The following PLCH1 variants were observed in gnomAD, a reference collection of about 807,000 sequenced individuals.
PLCH1 encodes 1-phosphatidylinositol 4,5-bisphosphate phosphodiesterase eta-1.
Under a neutral mutation model 126.7 loss-of-function variants are expected in PLCH1, and 60 were observed. That is an observed-to-expected ratio of 0.47 (90% confidence interval 0.38 to 0.59). PLCH1 has a LOEUF of 0.59. Ranked by LOEUF, PLCH1 falls within the 20% of genes least tolerant of loss-of-function variation. The pLI is 0.00. For synonymous variants in PLCH1, 719 were observed against 734.9 expected, an observed-to-expected ratio of 0.98 and a Z score of 0.35; for missense variants, 1,723 against 2,040.0, an observed-to-expected ratio of 0.84 and a Z score of 2.99.
intron 10 of PLCH1, among the ~76,000 whole-genome samples, chr3:155,544,502 T>C (rs1313587074): frequency 2.6e-5 from 4 of 152,052 alleles, no homozygotes; most frequent in Admixed American, 2.0e-4. Flanking sequence ...AACAAGGATA[T>C]CCAGGAATTG....
chr3:155,736,773 A>C (rs746480104), intron 1 of PLCH1, among the ~76,000 whole-genome samples: 2 of 152,196 alleles, frequency 1.3e-5, no homozygotes, highest in Non-Finnish European at 2.9e-5. Flanking sequence ...TTTTCTTTAA[A>C]ATTGCTTCCC....
chr3:155,502,940 C>T (rs1718120564), intron 13 of PLCH1, among the ~76,000 whole-genome samples: 1 of 152,214 alleles, frequency 6.6e-6, no homozygotes, highest in Non-Finnish European at 1.5e-5. Context: ...TATGACATTC[C>T]TTAAAGTAGA....
chr3:155,576,344 A>G (rs1729948933), intron 6 of PLCH1, among the ~76,000 whole-genome samples: 1 of 152,208 alleles, frequency 6.6e-6, no homozygotes, highest in Non-Finnish European at 1.5e-5. Context: ...AAAGGAAGAG[A>G]AGAAAGAGAA....
At chr3:155,671,661 A>G (rs1157449683) in intron 2 of PLCH1, among the ~76,000 whole-genome samples, 1 of 152,204 alleles carries the variant, frequency 6.6e-6, no homozygotes, top group Non-Finnish European at 1.5e-5. Context: ...CAGCTGGCAG[A>G]GCAGGAAACC....
At chr3:155,613,750 A>G (rs546618490) in intron 2 of PLCH1, among the ~76,000 whole-genome samples, 2 of 152,310 alleles carry the variant, frequency 1.3e-5, no homozygotes, top group South Asian at 4.1e-4. Context: ...CGAGACAAGG[A>G]TGACCACTCC....
chr3:155,610,234 G>A (rs926812655), intron 2 of PLCH1, among the ~76,000 whole-genome samples: 2 of 151,864 alleles, frequency 1.3e-5, no homozygotes, highest in African/African-American at 4.8e-5. Flanking sequence ...GGTTGCACAT[G>A]CCTATAATCC....
intron 6 of PLCH1, among the ~76,000 whole-genome samples, chr3:155,570,677 A>T (rs571111389): frequency 6.6e-6 from 1 of 152,298 alleles, no homozygotes; most frequent in East Asian, 1.9e-4. Context: ...GGTTAATTAA[A>T]CATCACCATC....
chr3:155,617,950 CAAAT>C (rs1161694620), intron 2 of PLCH1, among the ~76,000 whole-genome samples: 4 of 152,120 alleles, frequency 2.6e-5, no homozygotes, highest in Non-Finnish European at 5.9e-5. Flanking sequence ...TTTGCAGGCA[CAAAT>C]AAATCCATGG....
chr3:155,544,886 C>A (rs941423040), intron 10 of PLCH1, among the ~76,000 whole-genome samples: 3 of 151,220 alleles, frequency 2.0e-5, no homozygotes, highest in African/African-American at 7.3e-5. Flanking sequence ...ACATTCAAAG[C>A]AGTGTGTAGA....
At chr3:155,462,700 G>C (rs1229660305) in intron 21 of PLCH1, among the ~76,000 whole-genome samples, 1 of 152,192 alleles carries the variant, frequency 6.6e-6, no homozygotes, top group African/African-American at 2.4e-5. Context: ...CCCACTCAAA[G>C]TCAACCGTTT....
chr3:155,583,881 C>A (rs1731025453), intron 5 of PLCH1, among the ~76,000 whole-genome samples: 1 of 150,270 alleles, frequency 6.7e-6, no homozygotes, highest in Non-Finnish European at 1.5e-5. Context: ...ATTGTTCTGA[C>A]CACTGTAAAT....
At chr3:155,479,312 T>C (rs1713688498), downstream of PLCH1, among the ~76,000 whole-genome samples, 1 of 152,086 alleles carries the variant, frequency 6.6e-6, no homozygotes, top group Non-Finnish European at 1.5e-5. Context: ...TGCCTTGGGC[T>C]CACTAAGGGC....
intron 2 of PLCH1, among the ~76,000 whole-genome samples, chr3:155,699,761 A>C (rs1291965250): frequency 6.6e-6 from 1 of 151,846 alleles, no homozygotes; most frequent in African/African-American, 2.4e-5. Flanking sequence ...ATTTGTCCTG[A>C]AAGCTTGTGT....
At chr3:155,571,174 T>C (rs1324562254) in intron 6 of PLCH1, among the ~76,000 whole-genome samples, 1 of 152,158 alleles carries the variant, frequency 6.6e-6, no homozygotes, top group Non-Finnish European at 1.5e-5. Flanking sequence ...GGTAAACAAT[T>C]ATATTTCTTA....
In PLCH1 at chr3:155,583,462, C is replaced by A; in HGVS notation, c.771+10G>T. On this transcript the variant is annotated intron_variant, in intron 6 of 22. Transcript: ENST00000460012. Reference sequence around the variant, plus strand: ...TTAAGTAAACTTTCATTTTAACAGTCTAATGATACCTTTTGCTCCACCTTC... The same window carrying A: ...TTAAGTAAACTTTCATTTTAACAGTATAATGATACCTTTTGCTCCACCTTC... The A allele has an allele frequency of 3.2e-6, 5 of 1,584,130 alleles. No individual in the cohort carries two copies. Among genetic ancestry groups the A allele is most frequent in the Non-Finnish European group, 3.4e-6 (4 of 1,165,794 alleles).
intron 2 of PLCH1, among the ~76,000 whole-genome samples, chr3:155,691,469 A>G (rs1449161916): frequency 6.6e-6 from 1 of 152,224 alleles, no homozygotes; most frequent in East Asian, 1.9e-4. Context: ...GCAAAACAAG[A>G]GCAATCTGAG....
chr3:155,607,404 A>G (rs1734501682), intron 2 of PLCH1, among the ~76,000 whole-genome samples: 1 of 152,172 alleles, frequency 6.6e-6, no homozygotes, highest in African/African-American at 2.4e-5. Flanking sequence ...AATGCATTTT[A>G]GTTTTTTTAT....
chr3:155,511,532 C>T (rs753967534), intron 12 of PLCH1, among the ~76,000 whole-genome samples: 248 of 127,066 alleles, frequency 2.0e-3, no homozygotes, highest in Non-Finnish European at 2.6e-3. Flanking sequence ...GATGGGTTTT[C>T]GGTGTAGATG....
intron 8 of PLCH1, among the ~76,000 whole-genome samples, chr3:155,559,520 TCTC>T (rs1210200948): frequency 6.6e-6 from 1 of 152,096 alleles, no homozygotes; most frequent in Admixed American, 6.5e-5. Flanking sequence ...ATATAATTAT[TCTC>T]CTCAAGAAAA....
Sources: gnomAD v4.1 joint callset for allele counts (sites outside exome capture counted in the v4.1 genomes callset) on GRCh38, gnomAD v4.1.1 for gene constraint, MANE v1.5 for transcripts, NCBI Gene and HGNC (gene_info 2026-07-23, HGNC 2026-07-21) for gene names.